KIAA1671: variants seen among roughly 807,000 people sequenced by gnomAD.
The protein encoded by KIAA1671 is uncharacterized protein KIAA1671.
KIAA1671 carries 52 observed loss-of-function variants against 131.2 expected under a neutral mutation model. The ratio of observed to expected loss-of-function variants is 0.40; its 90% CI spans 0.32 to 0.50. KIAA1671 has a LOEUF of 0.50. KIAA1671 is among the 20% of genes least tolerant of loss of function. The probability of loss-of-function intolerance (pLI) is 0.73; values close to 1 mark genes in which losing one functional copy is unlikely to be tolerated. For missense variants in KIAA1671, 2,360 were observed against 2,364.2 expected, an observed-to-expected ratio of 1.00 and a Z score of 0.04; for synonymous variants, 1,003 against 961.6, an observed-to-expected ratio of 1.04 and a Z score of -0.80.
At chr22:25,027,878 CA>C in intron 2 of KIAA1671, 66 bp from the exon 3 acceptor site, 4 of 780,762 alleles carry the variant, frequency 5.1e-6, no homozygotes, top group Non-Finnish European at 8.0e-6. Context: ...TTCTCTAAAC[CA>C]TTCTGCTTCA....
chr22:24,997,044 C>A (rs775904738), intron 1 of KIAA1671, among the ~76,000 whole-genome samples: 1 of 152,238 alleles, frequency 6.6e-6, no homozygotes, highest in East Asian at 1.9e-4. Flanking sequence ...CATTCTTACC[C>A]TCCATGCAGT....
chr22:25,112,523 C>T (rs965884254), intron 6 of KIAA1671: 5 of 397,832 alleles, frequency 1.3e-5, no homozygotes, highest in African/African-American at 8.2e-5. Context: ...CCCTCCAGTC[C>T]TCCCAGGGAG....
intron 6 of KIAA1671, among the ~76,000 whole-genome samples, chr22:25,121,201 G>A (rs1931926258): frequency 1.3e-5 from 2 of 152,244 alleles, no homozygotes; most frequent in East Asian, 1.9e-4. Context: ...GGTGGCTCAC[G>A]CCTGTAGTCC....
chr22:25,155,149 A>T (rs1329434860), intron 6 of KIAA1671, among the ~76,000 whole-genome samples: 1 of 152,200 alleles, frequency 6.6e-6, no homozygotes, highest in Non-Finnish European at 1.5e-5. Context: ...AAACCTATTC[A>T]TAATAATTTT....
chr22:25,177,862 A>C lies in KIAA1671; in HGVS notation c.5074+340A>C, dbSNP rs1934095043. Among the ~76,000 whole-genome samples the C allele has an allele frequency of 2.6e-5, 4 of 151,852 alleles. No individual in the cohort carries two copies. In the South Asian group the frequency reaches 8.4e-4, roughly 32 times the overall value. On this transcript the variant is annotated intron_variant, in intron 9 of 12. Transcript: ENST00000358431. ...GTGGGCAGCCTTGGGTTCCCATCCC[A>C]GCTGGCTGCTCCTTCTGGGGCTGTC...
At chr22:25,094,067 C>T (rs1269653053) in intron 6 of KIAA1671, among the ~76,000 whole-genome samples, 2 of 152,094 alleles carry the variant, frequency 1.3e-5, no homozygotes, top group Admixed American at 1.3e-4. Flanking sequence ...ACGAAGGCTG[C>T]TCCCAACTTA....
rs1304487734 is a variant in KIAA1671 at position 25,032,542 on chromosome 22, C to A, written c.1542-67C>A. 2.0e-5 allele frequency: 20 copies of A among 989,608 alleles called. 1 individual carries two copies. The Admixed American group carries it at 3.6e-4, about 18-fold the overall frequency. The allele number at this position is 989,608 out of a possible 1,614,324, so 61.3% of individuals were successfully genotyped here. On this transcript the variant is annotated intron_variant, in intron 3 of 12. Coordinates refer to ENST00000358431, the MANE Select transcript of KIAA1671 (RefSeq NM_001145206.2). ...AGGTTACTTGGCCTGGCCTCCTGAGCTGGTGTGTGGGCTGGGGGGAATAAC... is the reference window on the plus strand; with the variant it reads ...AGGTTACTTGGCCTGGCCTCCTGAGATGGTGTGTGGGCTGGGGGGAATAAC...
At chr22:25,179,224 A>T in intron 9 of KIAA1671, 2 of 1,380,040 alleles carry the variant, frequency 1.4e-6, no homozygotes, top group Non-Finnish European at 2.0e-6. Context: ...GAGGAACAAA[A>T]GTTGCATCTA....
chr22:25,147,832 A>C (rs1932912529), intron 6 of KIAA1671, among the ~76,000 whole-genome samples: 1 of 152,132 alleles, frequency 6.6e-6, no homozygotes, highest in Non-Finnish European at 1.5e-5. Flanking sequence ...GCTCTCATTC[A>C]CTATTGCATT....
intron 6 of KIAA1671, among the ~76,000 whole-genome samples, chr22:25,158,649 G>A (rs1933326080): frequency 1.3e-5 from 2 of 152,144 alleles, no homozygotes; most frequent in East Asian, 1.9e-4. Context: ...TGCAGTGGGC[G>A]TTGGTAGAGT....
At chr22:25,034,062 T>C (rs1202260693) in intron 4 of KIAA1671, among the ~76,000 whole-genome samples, 2 of 151,754 alleles carry the variant, frequency 1.3e-5, no homozygotes, top group African/African-American at 2.4e-5. Context: ...TTTTTTTTTT[T>C]TGGAAACGGA....
rs1169923633 is a variant in KIAA1671, at chr22:25,027,966, A to C, written c.-34A>C. 4.4e-4 allele frequency: 620 copies of C among 1,415,246 alleles called. 2 individuals carry two copies. The highest frequency in any genetic ancestry group is 5.3e-5 in the Non-Finnish European group (57 of 1,066,346). The allele number at this position is 1,415,246 out of a possible 1,614,324, so 87.7% of individuals were successfully genotyped here. ...TTAGCAATTGCTTCTCCATTCTTGA[A>C]GTTCCTAACCCCCATGAATCCACAA... On this transcript the variant is annotated 5_prime_UTR_variant, in exon 3 of 13. Transcript: ENST00000358431.
At position 24,995,173 on chromosome 22, in the gene KIAA1671, C is replaced by A. The variant is rs905445808; in HGVS notation, c.-207-30460C>A. The stretch of plus-strand genomic sequence containing the variant: ...TCACGCCATTCTCCTGCCTCAGCCT[C>A]CTGAGTAGCTGGGACTACAAGTGCC... On this transcript the variant is annotated intron_variant, in intron 1 of 12. Transcript: ENST00000358431. Among the ~76,000 whole-genome samples, 20 of 151,554 alleles carry A rather than the reference C, an allele frequency of 1.3e-4. 1 individual carries two copies. The highest frequency in any genetic ancestry group is 2.8e-4 in the Non-Finnish European group (19 of 67,934).
intron 6 of KIAA1671, among the ~76,000 whole-genome samples, chr22:25,114,020 A>G (rs1931527438): frequency 6.6e-6 from 1 of 152,164 alleles, no homozygotes; most frequent in African/African-American, 2.4e-5. Flanking sequence ...CATTGGCATG[A>G]ATCCCCTAGG....
At chr22:25,115,124 C>T (rs954995553) in intron 6 of KIAA1671, among the ~76,000 whole-genome samples, 19 of 152,210 alleles carry the variant, frequency 1.2e-4, no homozygotes, top group Non-Finnish European at 8.8e-5. Flanking sequence ...AAAACAAATG[C>T]TTTGTCTCTG....
chr22:25,169,011 G>T (rs1416460123), intron 6 of KIAA1671, among the ~76,000 whole-genome samples: 1 of 152,144 alleles, frequency 6.6e-6, no homozygotes, highest in Non-Finnish European at 1.5e-5. Flanking sequence ...AGCAGAATGT[G>T]CCTCCTGATC....
intron 6 of KIAA1671, among the ~76,000 whole-genome samples, chr22:25,067,382 C>T (rs920884749): frequency 1.3e-5 from 2 of 152,232 alleles, no homozygotes; most frequent in East Asian, 1.9e-4. Context: ...GCCCGCCTCC[C>T]GGGCCATCAG....
intron 5 of KIAA1671, among the ~76,000 whole-genome samples, chr22:25,045,915 C>A (rs928179650): frequency 6.0e-5 from 9 of 150,480 alleles, no homozygotes; most frequent in African/African-American, 1.5e-4. Context: ...TTAATGGTTG[C>A]GAAGTATTGT....
At position 25,177,342 on chromosome 22, in the gene KIAA1671, C is replaced by G. The variant is rs372155063; in HGVS notation, c.4900-6C>G. 129 of 1,545,088 alleles carry G rather than the reference C, an allele frequency of 8.3e-5. No homozygotes were observed. The African/African-American group carries it at 1.6e-3, about 19-fold the overall frequency. On this transcript the variant is annotated splice_polypyrimidine_tract_variant and splice_region_variant and intron_variant, in intron 8 of 12. Coordinates refer to ENST00000358431, the MANE Select transcript of KIAA1671 (RefSeq NM_001145206.2). ...TTTTTCCTCTTCCTCCCTGCTGCTC[C>G]CAAAGCAAACCTCAGTCCTCGACTC... is the stretch of plus-strand genomic sequence containing the variant.
Sources: allele counts gnomAD v4.1 joint callset (sites outside exome capture counted in the v4.1 genomes callset), GRCh38; gene constraint gnomAD v4.1.1; transcripts MANE v1.5; gene names NCBI Gene and HGNC (gene_info 2026-07-23, HGNC 2026-07-21).